Variants in MUC12 observed in about 807,000 individuals in gnomAD.
The protein encoded by MUC12 is mucin 12, cell surface associated.
A neutral mutation model predicts 230.8 loss-of-function variants in MUC12; 172 were observed. The observed-to-expected ratio is 0.75, with a 90% CI of 0.66 to 0.85. The LOEUF is 0.85. Ranked by LOEUF, MUC12 falls within the 40% of genes least tolerant of loss-of-function variation. The pLI is 0.00. For synonymous variants in MUC12, 1,259 were observed against 2,401.9 expected (o/e 0.52, Z 13.91); for missense variants, 3,506 against 5,920.6 (o/e 0.59, Z 13.38).
chr7:100,973,888 C>T (rs1792965506), intron 1 of MUC12, among the ~76,000 whole-genome samples: 1 of 151,822 alleles, frequency 6.6e-6, no homozygotes, highest in South Asian at 2.1e-4. Context: ...GTGTGGTGCT[C>T]ATGCCTGTAA....
At chr7:100,979,447 CAG>C (rs1417486655) in intron 1 of MUC12, among the ~76,000 whole-genome samples, 2 of 151,708 alleles carry the variant, frequency 1.3e-5, no homozygotes, top group South Asian at 2.1e-4. Flanking sequence ...TAAAATAAAA[CAG>C]AATAAAATAA....
rs1303863649 is a variant in MUC12 at position 101,006,586 on chromosome 7, C to G, written c.15058+14C>G. ...CCTTCCCTGTAGGTAATGACCTTTT[C>G]TGAGACCTGCAGCTCTTTGCAGGCC... On this transcript the variant is annotated intron_variant, in intron 3 of 11. Transcript: ENST00000536621. 6.7e-7 allele frequency: 1 copy of G among 1,503,502 alleles called. No homozygotes were observed. Among genetic ancestry groups the G allele is most frequent in the Non-Finnish European group, 9.0e-7 (1 of 1,116,330 alleles). The allele number at this position is 1,503,502 out of a possible 1,614,324, so 93.1% of individuals were successfully genotyped here. A position where few individuals can be genotyped will look rare whatever the true frequency, so the allele number is the denominator to read the frequency against.
At position 100,992,902 on chromosome 7, in the gene MUC12, T is replaced by A. The variant is rs1793371443; in HGVS notation, c.2339T>A (p.Ile780Lys). 1 of 1,535,866 alleles carries A rather than the reference T, an allele frequency of 6.5e-7. No individual in the cohort carries two copies. The highest frequency in any genetic ancestry group is 2.5e-5 in the East Asian group (1 of 40,738). The change falls in exon 2 of 12, where the codon ATA becomes AAA. Residue 780 changes from isoleucine to lysine, a missense_variant. Ile to Lys is a moderately radical substitution (Grantham distance 102). Coordinates refer to ENST00000536621, the MANE Select transcript of MUC12 (RefSeq NM_001164462.2). ...AGCAGCCAAGACGCAACGGGAACAA[T>A]AGTCCTACCTGCCCGCTCCACAACC... ...SHSSQDATGTIVLPARSTTSV... is the reference protein window; with the variant it reads ...SHSSQDATGTKVLPARSTTSV...
intron 1 of MUC12, among the ~76,000 whole-genome samples, chr7:100,979,720 G>A (rs1173685026): frequency 6.6e-6 from 1 of 151,974 alleles, no homozygotes; most frequent in Non-Finnish European, 1.5e-5. Context: ...AGGTTGCAGT[G>A]AGCCAAGATC....
In MUC12 at chr7:101,004,707, A is replaced by C. The variant is rs535010647; in HGVS notation, c.14144A>C (p.Tyr4715Ser). 2 of 1,537,700 alleles carry C rather than the reference A, an allele frequency of 1.3e-6. No individual in the cohort carries two copies. The highest frequency in any genetic ancestry group is 1.7e-6 in the Non-Finnish European group (2 of 1,147,034). The change falls in exon 2 of 12, where the codon TAT (tyrosine) becomes TCT (serine). Residue 4715 changes from tyrosine to serine, a missense_variant. Physicochemically the swap from Tyr to Ser is moderately radical, Grantham distance 144. Transcript: ENST00000536621. ...SGRIAESTTF[Y>S]ISPGSMETTL... ...CGCATTGCAGAATCTACCACCTTCT[A>C]TATCTCTCCAGGCTCAATGGAAACA...
At position 100,970,858 on chromosome 7, in the gene MUC12, G is replaced by A. The variant is rs1045311659; in HGVS notation, c.67+1169G>A. 2.6e-5 allele frequency among the ~76,000 whole-genome samples: 4 copies of A among 152,106 alleles called. 1 individual carries two copies. The highest frequency in any genetic ancestry group is 9.6e-5 in the African/African-American group (4 of 41,452). ...TAAAAATACAAAAAATTAGCCGGGC[G>A]AGGTGGCGGGCACCTGTAGTCCCAG... On this transcript the variant is annotated intron_variant, in intron 1 of 11. Transcript: ENST00000536621.
At chr7:100,984,701 C>T (rs1793162738) in intron 1 of MUC12, among the ~76,000 whole-genome samples, 1 of 152,168 alleles carries the variant, frequency 6.6e-6, no homozygotes, top group Admixed American at 6.5e-5. Context: ...GCCTCCATCT[C>T]ATAATCTTAA....
chr7:101,009,782 A>C (rs1259335128), intron 5 of MUC12, among the ~76,000 whole-genome samples: 1 of 152,196 alleles, frequency 6.6e-6, no homozygotes, highest in Non-Finnish European at 1.5e-5. Context: ...CGATGAGAAG[A>C]AGCCCAGAGG....
chr7:100,987,221 C>A (rs763440707), intron 1 of MUC12, among the ~76,000 whole-genome samples: 2 of 152,020 alleles, frequency 1.3e-5, no homozygotes, highest in Non-Finnish European at 2.9e-5. Context: ...CGCATGCTAC[C>A]ATGCCTGGCT....
intron 1 of MUC12, chr7:100,981,574 G>A (rs868070930): frequency 6.9e-6 from 3 of 436,362 alleles, no homozygotes; most frequent in South Asian, 5.4e-5. Flanking sequence ...TAAGATGGAT[G>A]GGGATTCGGT....
In MUC12 at chr7:101,013,161, C is replaced by G; in HGVS notation, c.15638+19C>G. The G allele has an allele frequency of 6.5e-7, 1 of 1,536,920 alleles. No homozygotes were observed. Among genetic ancestry groups the G allele is most frequent in the Non-Finnish European group, 8.7e-7 (1 of 1,146,766 alleles). ...GCTGCCTGTGAGTGTCCCCATAAGC[C>G]CAGCACCCACTCTGTCCTGGTGATA... On this transcript the variant is annotated intron_variant, in intron 8 of 11. Transcript: ENST00000536621.
rs1011888836 is a variant in MUC12 at position 101,004,511 on chromosome 7, G to C, written c.13948G>C (p.Ala4650Pro). The change falls in exon 2 of 12, where the codon GCC becomes CCC. Residue 4650 changes from alanine (A) to proline (P), a missense_variant. Ala to Pro is a conservative substitution (Grantham distance 27). Transcript: ENST00000536621. ...ATCTTCACCTCCTAGCACCACATCT[G>C]CCCTTGTTGAAGAACCTACCAGCTA... is the stretch of plus-strand genomic sequence containing the variant. ...TISSPPSTTS[A>P]LVEEPTSYHS... is the part of the protein sequence containing the mutation. The C allele has an allele frequency of 6.5e-7, 1 of 1,534,708 alleles. No homozygotes were observed. The highest frequency in any genetic ancestry group is 8.7e-7 in the Non-Finnish European group (1 of 1,146,256).
intron 8 of MUC12, 108 bp from the exon 9 acceptor site, chr7:101,013,805 T>TGGAGTGA: frequency 7.8e-7 from 1 of 1,284,848 alleles, no homozygotes; most frequent in Non-Finnish European, 1.0e-6. Flanking sequence ...CTCCAGCCGT[T>TGGAGTGA]GGAGTGAGGG....
At position 100,994,096 on chromosome 7, in the gene MUC12, C is replaced by G; in HGVS notation, c.3533C>G (p.Thr1178Arg). The G allele has an allele frequency of 1.9e-6, 2 of 1,027,962 alleles. No individual in the cohort carries two copies. The highest frequency in any genetic ancestry group is 2.6e-6 in the Non-Finnish European group (2 of 760,154). 63.7% of individuals were successfully genotyped at this position (1,027,962 alleles called of 1,614,324 possible). Residue 1178 changes from threonine (T) to arginine (R), a missense_variant, in exon 2 of 12, where the codon ACA becomes AGA. Physicochemically the swap from Thr to Arg is moderately conservative, Grantham distance 71 (BLOSUM62 -1). Transcript: ENST00000536621. ...TETTVFPHST[T>R]TSVHGEEPTT... is the part of the protein sequence containing the mutation. ...ACCACAGTGTTCCCTCACAGCACCA[C>G]AACCTCAGTTCATGGTGAAGAGCCT...
At chr7:100,987,465 C>T (rs1793209142) in intron 1 of MUC12, among the ~76,000 whole-genome samples, 1 of 152,118 alleles carries the variant, frequency 6.6e-6, no homozygotes, top group Non-Finnish European at 1.5e-5. Flanking sequence ...GCAGGATGAC[C>T]AGGTAGAGGG....
intron 1 of MUC12, among the ~76,000 whole-genome samples, chr7:100,976,621 A>G (rs1793036270): frequency 6.6e-6 from 1 of 151,760 alleles, no homozygotes; most frequent in Non-Finnish European, 1.5e-5. Flanking sequence ...AAAAATGCAA[A>G]TATTCATTGA....
In MUC12 at chr7:101,018,691, A is replaced by G; in HGVS notation, c.*55A>G. On this transcript the variant is annotated 3_prime_UTR_variant, in exon 12 of 12. Coordinates refer to ENST00000536621, the MANE Select transcript of MUC12 (RefSeq NM_001164462.2). Reference sequence around the variant, plus strand: ...CTCTGTTCAGGAGAGCTGCAAACACAGAGCCCACCACAAGCCTCCGGGGCG... The same window carrying G: ...CTCTGTTCAGGAGAGCTGCAAACACGGAGCCCACCACAAGCCTCCGGGGCG... The G allele has an allele frequency of 2.0e-6, 3 of 1,500,542 alleles. No homozygotes were observed. Among genetic ancestry groups the G allele is most frequent in the Non-Finnish European group, 1.8e-6 (2 of 1,122,462 alleles). 93.0% of individuals were successfully genotyped at this position (1,500,542 alleles called of 1,614,324 possible). A position where few individuals can be genotyped will look rare whatever the true frequency, so the allele number is the denominator to read the frequency against.
In MUC12 at chr7:101,012,404, G is replaced by T; in HGVS notation, c.15360G>T (p.Met5120Ile). Residue 5120 changes from methionine (M) to isoleucine (I), a missense_variant, in exon 6 of 12, where the codon ATG becomes ATT. Met to Ile is a conservative substitution (Grantham distance 10). Transcript: ENST00000536621. ...NLAEIVKAKIMNETRTTLLDP... is the reference protein window; with the variant it reads ...NLAEIVKAKIINETRTTLLDP... ...CAGAGATTGTAAAGGCCAAGATTAT[G>T]AATGAAACTAGAACAACTCTTCTTG... is the stretch of plus-strand genomic sequence containing the variant. 2.6e-6 allele frequency: 4 copies of T among 1,537,880 alleles called. No individual in the cohort carries two copies. The highest frequency in any genetic ancestry group is 1.2e-5 in the South Asian group (1 of 84,052).
chr7:100,975,225 T>C (rs1289581035), intron 1 of MUC12, among the ~76,000 whole-genome samples: 1 of 152,304 alleles, frequency 6.6e-6, no homozygotes. Context: ...TTTATGTACA[T>C]GAAGTTGCAC....
Sources: gnomAD v4.1 joint callset for allele counts (sites outside exome capture counted in the v4.1 genomes callset) on GRCh38, gnomAD v4.1.1 for gene constraint, MANE v1.5 for transcripts, NCBI Gene and HGNC (gene_info 2026-07-23, HGNC 2026-07-21) for gene names.